Variants in GGT5 observed in about 807,000 individuals in gnomAD.
The protein encoded by GGT5 is gamma-glutamyltransferase 5.
Under a neutral mutation model 58.1 loss-of-function variants are expected in GGT5, and 50 were observed. The ratio of observed to expected loss-of-function variants is 0.86; its 90% CI spans 0.69 to 1.09. The LOEUF is 1.09. Ranked by LOEUF, GGT5 falls within the 50% of genes least tolerant of loss-of-function variation. The pLI is 0.00. For synonymous variants in GGT5, 370 were observed against 346.1 expected (o/e 1.07, Z -0.77); for missense variants, 800 against 789.4 (o/e 1.01, Z -0.16).
In GGT5 at chr22:24,237,227, G is replaced by C. The variant is rs979891643; in HGVS notation, c.174-3223C>G. ...AGAGCAGTGCTGTTGACCTACTCAT[G>C]TGCTGAGGGAGGGGATGCCATAATG... is the stretch of plus-strand genomic sequence containing the variant. On this transcript the variant is annotated intron_variant, in intron 1 of 11. Transcript: ENST00000327365. Among the ~76,000 whole-genome samples the C allele has an allele frequency of 4.3e-4, 65 of 151,842 alleles. 2 individuals are homozygous for C.
chr22:24,226,156 G>T lies in GGT5; in HGVS notation c.1149C>A (p.Gly383=). The T allele has an allele frequency of 6.2e-7, 1 of 1,611,248 alleles. No homozygotes were observed. The highest frequency in any genetic ancestry group is 8.5e-7 in the Non-Finnish European group (1 of 1,179,824). Residue 383 remains glycine, a synonymous_variant, in exon 8 of 12, where the codon GGC becomes GGA. Coordinates refer to ENST00000327365, the MANE Select transcript of GGT5 (RefSeq NM_004121.5). ...LSHYSLAEAW[G]HGTGTSHVSV... is the part of the protein sequence containing the mutation. ...ACACATGGGACGTGCCTGTCCCGTGGCCCCAGGCCTCGGCCAAGCTGTAGT... is the reference window on the plus strand; with the variant it reads ...ACACATGGGACGTGCCTGTCCCGTGTCCCCAGGCCTCGGCCAAGCTGTAGT...
chr22:24,235,049 G>GC (rs2048056769), intron 1 of GGT5, among the ~76,000 whole-genome samples: 1 of 105,532 alleles, frequency 9.5e-6, no homozygotes, highest in African/African-American at 3.7e-5. Flanking sequence ...CAAGAAGCCA[G>GC]CTTTTTTTTT....
intron 6 of GGT5, among the ~76,000 whole-genome samples, chr22:24,228,069 A>AAAC (rs1351842805): frequency 1.1e-5 from 1 of 89,550 alleles, no homozygotes; most frequent in African/African-American, 4.5e-5. Flanking sequence ...AAAAAAAACA[A>AAAC]AACAAAAAAA....
chr22:24,230,087 T>G (rs1308103532), intron 6 of GGT5, among the ~76,000 whole-genome samples: 1 of 150,686 alleles, frequency 6.6e-6, no homozygotes, highest in Non-Finnish European at 1.5e-5. Flanking sequence ...ATAAAAATCA[T>G]CTGGGCGCGG....
At chr22:24,226,363 C>A in intron 7 of GGT5, 97 bp from the exon 8 acceptor site, 2 of 956,382 alleles carry the variant, frequency 2.1e-6, no homozygotes, top group Non-Finnish European at 3.1e-6. Flanking sequence ...GGGCCACCTC[C>A]AGTCTGTCCT....
chr22:24,222,190 G>A (rs897600069), intron 11 of GGT5, among the ~76,000 whole-genome samples: 12 of 151,708 alleles, frequency 7.9e-5, no homozygotes, highest in African/African-American at 2.9e-4. Context: ...ACAACAACAA[G>A]CCAAAAAAAC....
chr22:24,240,557 T>TGGCTCACAGCAATCTC (rs1204322683), intron 1 of GGT5, among the ~76,000 whole-genome samples: 6 of 151,972 alleles, frequency 3.9e-5, no homozygotes, highest in Non-Finnish European at 7.4e-5. Flanking sequence ...GACGTGATCT[T>TGGCTCACAGCAATCTC]GGCTCACAGC....
Position 24,244,581 on chromosome 22 carries a change from C to T in GGT5, c.145G>A (p.Asp49Asn), listed in dbSNP as rs762968955. ...CCAATATCCGAGCAGACCTTGGAGT[C>T]GGCGGCAACAGCAGCGTGGGCAAAG... ...QAFAHAAVAADSKVCSDIGRA... is the reference protein window; with the variant it reads ...QAFAHAAVAANSKVCSDIGRA... The change falls in exon 1 of 12, where the codon GAC (aspartate) becomes AAC (asparagine). Residue 49 changes from aspartate to asparagine, a missense_variant. By Grantham distance (23) the Asp-to-Asn change is conservative. Transcript: ENST00000327365. 107 of 1,612,198 alleles carry T rather than the reference C, an allele frequency of 6.6e-5. No homozygotes were observed. The highest frequency in any genetic ancestry group is 8.5e-5 in the Non-Finnish European group (100 of 1,179,814).
rs2047715598 is a variant in GGT5 at position 24,225,259 on chromosome 22, AGAT to A, written c.1486_1488del (p.Ile496del). The A allele has an allele frequency of 6.2e-7, 1 of 1,613,492 alleles. No individual in the cohort carries two copies. Among genetic ancestry groups the A allele is most frequent in the Non-Finnish European group, 8.5e-7 (1 of 1,179,936 alleles). On this transcript the variant is annotated inframe_deletion, in exon 10 of 12. Transcript: ENST00000327365. ...CCCAGACTCACCTGGGCCACAGCAGAGATGATGAGCTCCCCGCCAGCCCCGCCA... is the reference window on the plus strand; with the variant it reads ...CCCAGACTCACCTGGGCCACAGCAGAGATGAGCTCCCCGCCAGCCCCGCCA...
At chr22:24,228,071 A>AAAC (rs2047827299) in intron 6 of GGT5, among the ~76,000 whole-genome samples, 1 of 88,664 alleles carries the variant, frequency 1.1e-5, no homozygotes, top group African/African-American at 4.5e-5. Flanking sequence ...AAAAAACAAA[A>AAAC]CAAAAAAAAA....
chr22:24,225,553 G>T lies in GGT5; in HGVS notation c.1329C>A (p.Pro443=), dbSNP rs73167566. The T allele has an allele frequency of 4.1e-3, 6,527 of 1,606,838 alleles. 14 individuals carry two copies. The highest frequency in any genetic ancestry group is 5.0e-3 in the Non-Finnish European group (5,829 of 1,173,398). ...GGGAAGCTTTGTTCTCACCAGGTGA[G>T]GGGGTGGTGCCGGAACCCCGGGGGC... The part of the protein sequence containing the change: ...ERCPRGSGTT[P]SPVSGDRVGG... The change falls in exon 9 of 12, where the codon CCC becomes CCA. Residue 443 remains proline, a synonymous_variant. Transcript: ENST00000327365.
intron 11 of GGT5, among the ~76,000 whole-genome samples, chr22:24,223,386 GT>G (rs2148886532): frequency 6.6e-6 from 1 of 152,224 alleles, no homozygotes; most frequent in Non-Finnish European, 1.5e-5. Context: ...GAGTGACAGA[GT>G]GAGACTGTCT....
chr22:24,231,613 G>T, intron 5 of GGT5, 83 bp from the exon 6 acceptor site: 1 of 1,346,384 alleles, frequency 7.4e-7, no homozygotes. Context: ...GTCACACAAT[G>T]GGATTCCACT....
At chr22:24,222,363 A>C (rs5996675) in intron 11 of GGT5, among the ~76,000 whole-genome samples, 1 of 151,922 alleles carries the variant, frequency 6.6e-6, no homozygotes, top group East Asian at 1.9e-4. Flanking sequence ...TGAGTTCCCC[A>C]TGCCTGACCT....
chr22:24,233,574 A>G lies in GGT5; in HGVS notation c.324T>C (p.Asn108=), dbSNP rs763826527. ...GGCTGGCCGGCACCGTCTCCCGGGC[A>G]TTGATGACCTCCACCTTCCCTGGAG... The part of the protein sequence containing the change: ...NVTTGKVEVI[N]ARETVPASHA... The change falls in exon 3 of 12, where the codon AAT becomes AAC. Residue 108 remains asparagine (N), a synonymous_variant. Transcript: ENST00000327365. 2.5e-6 allele frequency: 4 copies of G among 1,608,324 alleles called. No homozygotes were observed. Among genetic ancestry groups the G allele is most frequent in the Non-Finnish European group, 2.5e-6 (3 of 1,178,238 alleles).
intron 1 of GGT5, chr22:24,244,318 C>CACAAATACACAT (rs1556061366): frequency 2.4e-5 from 11 of 457,044 alleles, no homozygotes; most frequent in Admixed American, 4.3e-5. Context: ...CACACACACC[C>CACAAATACACAT]ACCCACACAT....
chr22:24,226,600 C>A, intron 7 of GGT5, 31 bp downstream of exon 7: 1 of 1,610,954 alleles, frequency 6.2e-7, no homozygotes, highest in Non-Finnish European at 8.5e-7. Context: ...AGGAGGACGG[C>A]CCACCAGCCC....
At chr22:24,244,091 C>T (rs1479401429) in intron 1 of GGT5, 1 of 164,462 alleles carries the variant, frequency 6.1e-6, no homozygotes, top group African/African-American at 2.4e-5. Flanking sequence ...AGGTTCCCAC[C>T]TGGGATATGC....
At chr22:24,225,701 C>A (rs752816688) in intron 8 of GGT5, 49 bp from the exon 9 acceptor site, 3 of 1,094,836 alleles carry the variant, frequency 2.7e-6, no homozygotes, top group Middle Eastern at 2.0e-4. Context: ...GGGGCTCCCA[C>A]CAGACACCAC....
Sources: allele counts gnomAD v4.1 joint callset (sites outside exome capture counted in the v4.1 genomes callset), GRCh38; gene constraint gnomAD v4.1.1; transcripts MANE v1.5; gene names NCBI Gene and HGNC (gene_info 2026-07-23, HGNC 2026-07-21).